ACOXL: variants seen among roughly 807,000 people sequenced by gnomAD.
The protein encoded by ACOXL is acyl-CoA oxidase like.
In ACOXL, 70 loss-of-function variants were observed where a neutral mutation model predicts 71.9. The ratio of observed to expected loss-of-function variants is 0.97; its 90% CI spans 0.80 to 1.19. The LOEUF (loss-of-function observed/expected upper bound fraction) is 1.19. Ranked by LOEUF, ACOXL falls within the 50% of genes most tolerant of loss-of-function variation. The probability of loss-of-function intolerance (pLI) is 0.00; values close to 1 mark genes in which losing one functional copy is unlikely to be tolerated. For missense variants in ACOXL, 703 were observed against 736.3 expected (o/e 0.95, Z 0.52); for synonymous variants, 253 against 281.6 (o/e 0.90, Z 1.02).
intron 17 of ACOXL, among the ~76,000 whole-genome samples, chr2:111,095,005 G>C (rs1273755223): frequency 6.6e-6 from 1 of 152,122 alleles, no homozygotes; most frequent in African/African-American, 2.4e-5. Flanking sequence ...TAAAGGACAG[G>C]CCCAGAACTA....
At chr2:110,740,334 C>T (rs776426800) in intron 1 of ACOXL, among the ~76,000 whole-genome samples, 20 of 152,210 alleles carry the variant, frequency 1.3e-4, no homozygotes, top group Non-Finnish European at 2.5e-4. Flanking sequence ...TAATCTAAAT[C>T]CCAGTGTTCA....
intron 11 of ACOXL, among the ~76,000 whole-genome samples, chr2:110,916,209 T>G (rs1282355359): frequency 6.6e-6 from 1 of 151,948 alleles, no homozygotes; most frequent in African/African-American, 2.4e-5. Context: ...ACTTCTTTTA[T>G]TTGTAAAAGA....
chr2:111,084,258 T>TACACAC (rs61263209), intron 16 of ACOXL, among the ~76,000 whole-genome samples: 193 of 135,002 alleles, frequency 1.4e-3, no homozygotes, highest in East Asian at 9.0e-3. Context: ...ATCTAAGGAA[T>TACACAC]ACACACACAC....
intron 3 of ACOXL, among the ~76,000 whole-genome samples, chr2:110,792,762 G>A (rs1340460212): frequency 4.6e-5 from 7 of 152,162 alleles, no homozygotes; most frequent in Admixed American, 4.6e-4. Flanking sequence ...TCATGCCACT[G>A]TCCTCCAGCC....
intron 9 of ACOXL, among the ~76,000 whole-genome samples, chr2:110,834,385 A>C (rs1690200032): frequency 6.6e-6 from 1 of 152,236 alleles, no homozygotes; most frequent in African/African-American, 2.4e-5. Context: ...CCAACCCTTC[A>C]TTATCAAGAG....
rs113762377 is a variant in ACOXL at position 111,024,756 on chromosome 2, A to G, written c.1282-6871A>G. On this transcript the variant is annotated intron_variant, in intron 14 of 17. Coordinates refer to ENST00000439055, the MANE Select transcript of ACOXL (RefSeq NM_001142807.4). Reference sequence around the variant, plus strand: ...TTATCAGGAAAACAGTAGCTTTTACAGAGGAGCTTCCCGGTAGACAACTGC... The same window carrying G: ...TTATCAGGAAAACAGTAGCTTTTACGGAGGAGCTTCCCGGTAGACAACTGC... Among the ~76,000 whole-genome samples the G allele has an allele frequency of 3.3e-3, 507 of 152,248 alleles. 6 individuals carry two copies. The highest frequency in any genetic ancestry group is 0.012 in the African/African-American group (483 of 41,542).
intron 15 of ACOXL, 70 bp from the exon 16 acceptor site, chr2:111,049,148 C>T (rs1472934872): frequency 8.4e-7 from 1 of 1,192,612 alleles, no homozygotes; most frequent in Non-Finnish European, 1.2e-6. Context: ...ACCACAGTGT[C>T]CTCCTTCACA....
At chr2:110,998,927 T>C (rs1455820861) in intron 14 of ACOXL, among the ~76,000 whole-genome samples, 1 of 152,218 alleles carries the variant, frequency 6.6e-6, no homozygotes. Flanking sequence ...TGTATAACTA[T>C]ACACATCAAA....
chr2:111,068,758 A>G (rs745747653), intron 16 of ACOXL, among the ~76,000 whole-genome samples: 2 of 152,190 alleles, frequency 1.3e-5, no homozygotes, highest in African/African-American at 4.8e-5. Context: ...TTTGACCCCA[A>G]CACCACTAAT....
intron 17 of ACOXL, among the ~76,000 whole-genome samples, chr2:111,110,144 C>T (rs993720753): frequency 1.3e-5 from 2 of 152,086 alleles, no homozygotes; most frequent in African/African-American, 4.8e-5. Flanking sequence ...TATTGTACTT[C>T]AAACATTGTC....
intron 2 of ACOXL, among the ~76,000 whole-genome samples, chr2:110,783,645 G>A (rs1480753821): frequency 2.0e-5 from 3 of 152,128 alleles, no homozygotes; most frequent in African/African-American, 7.2e-5. Context: ...ACACACGTGT[G>A]CATACAGATG....
chr2:110,770,035 C>T (rs1234474590), intron 2 of ACOXL, among the ~76,000 whole-genome samples: 1 of 151,990 alleles, frequency 6.6e-6, no homozygotes, highest in East Asian at 1.9e-4. Flanking sequence ...GGAGTGAGAC[C>T]CTGTCTCAAA....
At chr2:110,965,196 T>C (rs1488289052) in intron 12 of ACOXL, among the ~76,000 whole-genome samples, 1 of 152,220 alleles carries the variant, frequency 6.6e-6, no homozygotes, top group Non-Finnish European at 1.5e-5. Flanking sequence ...TATGTGTATA[T>C]ACCATATTTT....
chr2:110,839,144 T>C (rs1440333485), intron 9 of ACOXL, among the ~76,000 whole-genome samples: 2 of 151,952 alleles, frequency 1.3e-5, no homozygotes, highest in South Asian at 2.1e-4. Flanking sequence ...TTTTTTTTTT[T>C]CTTCTTGTCC....
intron 12 of ACOXL, among the ~76,000 whole-genome samples, chr2:110,967,567 C>G (rs2061986721): frequency 6.6e-6 from 1 of 152,122 alleles, no homozygotes; most frequent in African/African-American, 2.4e-5. Context: ...TATCACTAGA[C>G]TGTGATGAGA....
chr2:110,800,283 A>C (rs1271721801), intron 7 of ACOXL, among the ~76,000 whole-genome samples: 1 of 152,150 alleles, frequency 6.6e-6, no homozygotes, highest in Non-Finnish European at 1.5e-5. Flanking sequence ...TGAGGGAAGG[A>C]TTTGTTCTAG....
chr2:111,048,077 G>T (rs895341499), intron 15 of ACOXL, among the ~76,000 whole-genome samples: 1 of 152,218 alleles, frequency 6.6e-6, no homozygotes, highest in African/African-American at 2.4e-5. Context: ...TGTATTTGTA[G>T]ACATGACATC....
At chr2:110,956,815 A>T (rs1391036673) in intron 12 of ACOXL, among the ~76,000 whole-genome samples, 2 of 152,240 alleles carry the variant, frequency 1.3e-5, no homozygotes, top group Non-Finnish European at 2.9e-5. Flanking sequence ...ACAGCAGGAA[A>T]ATATTAAACT....
chr2:110,861,604 TCA>T (rs35684470), intron 10 of ACOXL, among the ~76,000 whole-genome samples: 45,400 of 151,938 alleles, frequency 0.3, 7,161 homozygotes, highest in Non-Finnish European at 0.35. Context: ...ACCTTTAAAT[TCA>T]CACAGGGTAG....
Sources: allele counts gnomAD v4.1 joint callset (sites outside exome capture counted in the v4.1 genomes callset), GRCh38; gene constraint gnomAD v4.1.1; transcripts MANE v1.5; gene names NCBI Gene and HGNC (gene_info 2026-07-23, HGNC 2026-07-21).